EPG5: variants seen among roughly 807,000 people sequenced by gnomAD.
The protein encoded by EPG5 is ectopic P granules protein 5 homolog.
In EPG5, 159 loss-of-function variants were observed where a neutral mutation model predicts 302.7. The observed-to-expected ratio is 0.53, with a 90% CI of 0.46 to 0.60. EPG5 has a LOEUF of 0.60. EPG5 is among the 20% of genes least tolerant of loss of function. The probability of loss-of-function intolerance (pLI) is 0.00; values close to 1 mark genes in which losing one functional copy is unlikely to be tolerated. For synonymous variants in EPG5, 1,158 were observed against 1,136.8 expected, an observed-to-expected ratio of 1.02 and a Z score of -0.37; for missense variants, 2,896 against 3,092.4, an observed-to-expected ratio of 0.94 and a Z score of 1.51.
At chr18:45,834,136 G>A in the EPG5 span, among the ~76,000 whole-genome samples, 1 of 152,102 alleles carries the variant, frequency 6.6e-6, no homozygotes, top group Admixed American at 6.5e-5. Flanking sequence ...CCTTTCTCAA[G>A]GCTCTGCTGA....
intron 11 of EPG5, among the ~76,000 whole-genome samples, chr18:45,932,157 C>A (rs998220467): frequency 6.6e-6 from 1 of 151,960 alleles, no homozygotes; most frequent in Non-Finnish European, 1.5e-5. Context: ...AAAGAATTAT[C>A]ATTCAAACTT....
chr18:45,916,118 A>C lies in EPG5; in HGVS notation c.3473T>G (p.Leu1158Arg), dbSNP rs2050024706. Residue 1158 changes from leucine (L) to arginine (R), a missense_variant, in exon 19 of 44, where the codon CTC becomes CGC. Physicochemically the swap from Leu to Arg is moderately radical, Grantham distance 102. Around this residue, in one of 5 missense-constraint regions of EPG5, gnomAD observed 1,390 missense variants for 1,430.0 expected, o/e 0.97. Coordinates refer to ENST00000282041, the MANE Select transcript of EPG5 (RefSeq NM_020964.3). ...GAGGATAGGTTGTTCTCGGTACCAG[A>C]GATGCTGGCTTATGAGAGCCTGAAC... The part of the protein sequence containing the change: ...FWVQALISQH[L>R]WYREQPILFL... 2 of 1,614,042 alleles carry C rather than the reference A, an allele frequency of 1.2e-6. No individual in the cohort carries two copies. Among genetic ancestry groups the C allele is most frequent in the East Asian group, 2.2e-5 (1 of 44,894 alleles).
At chr18:45,881,750 T>C (rs576975726) in intron 31 of EPG5, among the ~76,000 whole-genome samples, 1 of 152,292 alleles carries the variant, frequency 6.6e-6, no homozygotes, top group East Asian at 1.9e-4. Context: ...AATGTGGAGA[T>C]TGTAATGCTG....
At chr18:45,880,746 G>T (rs2049079596) in intron 31 of EPG5, among the ~76,000 whole-genome samples, 1 of 152,120 alleles carries the variant, frequency 6.6e-6, no homozygotes, top group Non-Finnish European at 1.5e-5. Context: ...TCCCAACTCT[G>T]CTACTTAATA....
In EPG5 at chr18:45,880,215, C is replaced by G; in HGVS notation, c.5527G>C (p.Glu1843Gln). ...ILRLLMQSSA[E>Q]QLLSPECWKA... ...CAACACTCGGGGCTCAGAAGCTGCT[C>G]CGCGGAGCCTGCCAGCAGGGACAGG... Residue 1843 changes from glutamate to glutamine, a missense_variant, in exon 32 of 44, where the codon GAG becomes CAG. Physicochemically the swap from Glu to Gln is conservative, Grantham distance 29. Around this residue, in one of 5 missense-constraint regions of EPG5, gnomAD observed 790 missense variants for 798.0 expected, o/e 0.99. Transcript: ENST00000282041. 1 of 1,595,462 alleles carries G rather than the reference C, an allele frequency of 6.3e-7. No homozygotes were observed. The highest frequency in any genetic ancestry group is 8.6e-7 in the Non-Finnish European group (1 of 1,169,484).
rs2048414682 is a variant in EPG5 at position 45,850,890 on chromosome 18, G to A, written c.*1577C>T. 6.6e-6 allele frequency: 1 copy of A among 152,604 alleles called. No homozygotes were observed. The highest frequency in any genetic ancestry group is 2.4e-5 in the African/African-American group (1 of 41,460). The allele number at this position is 152,604 out of a possible 1,614,324, so 9.5% of individuals were successfully genotyped here. A position where few individuals can be genotyped will look rare whatever the true frequency, so the allele number is the denominator to read the frequency against. On this transcript the variant is annotated 3_prime_UTR_variant, in exon 44 of 44. Coordinates refer to ENST00000282041, the MANE Select transcript of EPG5 (RefSeq NM_020964.3). ...AATTTTCTTATACAGAGAACAAGAT[G>A]ATTAATTTTGAAAACGGAGAGAAGC...
chr18:45,916,703 A>T, intron 17 of EPG5, 121 bp from the exon 18 acceptor site: 1 of 1,000,378 alleles, frequency 1.0e-6, no homozygotes, highest in Non-Finnish European at 1.4e-6. Context: ...CCAAAGCACT[A>T]TTTAAGAAGG....
the EPG5 span, among the ~76,000 whole-genome samples, chr18:45,834,463 T>C: frequency 6.6e-6 from 1 of 152,218 alleles, no homozygotes; most frequent in Non-Finnish European, 1.5e-5. Context: ...AGCCCTAGGC[T>C]TGGGGCTCAG....
intron 16 of EPG5, among the ~76,000 whole-genome samples, chr18:45,920,398 C>T (rs113833016): frequency 4.6e-5 from 7 of 152,332 alleles, no homozygotes; most frequent in African/African-American, 1.7e-4. Context: ...CACAACATCA[C>T]TCTGCTCATC....
intron 13 of EPG5, among the ~76,000 whole-genome samples, chr18:45,927,591 TATAC>T (rs1368991144): frequency 0.045 from 3,382 of 75,598 alleles, 134 homozygotes; most frequent in African/African-American, 0.13. Flanking sequence ...AACAAAAAGT[TATAC>T]ACACACACAC....
At chr18:45,866,690 C>T (rs547471580) in intron 38 of EPG5, 108 bp downstream of exon 38, 15 of 837,064 alleles carry the variant, frequency 1.8e-5, no homozygotes, top group African/African-American at 3.4e-5. Flanking sequence ...ACACATCCTC[C>T]GACTTCCTCT....
chr18:45,914,506 G>A (rs1568149775), intron 20 of EPG5, among the ~76,000 whole-genome samples: 2 of 152,250 alleles, frequency 1.3e-5, no homozygotes, highest in South Asian at 2.1e-4. Flanking sequence ...TAAAAATAAT[G>A]CTGCTGCTGA....
chr18:45,943,144 A>G lies in EPG5; in HGVS notation c.1943+17T>C. ...GGGTGAAAGGAACAGAGAAGGGTAG[A>G]GCAACAGCAGTATTACCTGATCATA... On this transcript the variant is annotated intron_variant, in intron 9 of 43. Coordinates refer to ENST00000282041, the MANE Select transcript of EPG5 (RefSeq NM_020964.3). 6.2e-7 allele frequency: 1 copy of G among 1,612,752 alleles called. No homozygotes were observed. The highest frequency in any genetic ancestry group is 8.5e-7 in the Non-Finnish European group (1 of 1,178,914).
chr18:45,888,857 TTTG>T (rs1392956358), intron 28 of EPG5, among the ~76,000 whole-genome samples: 4 of 152,234 alleles, frequency 2.6e-5, no homozygotes, highest in Admixed American at 1.3e-4. Flanking sequence ...TAATTCATAA[TTTG>T]TTATTTAACT....
chr18:45,815,478 TC>T, the EPG5 span, among the ~76,000 whole-genome samples: 1 of 151,396 alleles, frequency 6.6e-6, no homozygotes, highest in Non-Finnish European at 1.5e-5. Context: ...AATTAGTAGC[TC>T]TTCTATACAT....
intron 2 of EPG5, chr18:45,953,277 C>T (rs1231460205): frequency 6.1e-6 from 6 of 983,766 alleles, no homozygotes; most frequent in Admixed American, 6.2e-5. Flanking sequence ...GAATATGAAG[C>T]CAATGTGATA....
intron 36 of EPG5, chr18:45,868,230 C>T (rs2048788720): frequency 4.4e-6 from 2 of 452,994 alleles, no homozygotes; most frequent in Non-Finnish European, 8.9e-6. Flanking sequence ...GGTTGGGAGC[C>T]AGAATGTGTA....
At chr18:45,961,302 C>T (rs984725863) in intron 1 of EPG5, among the ~76,000 whole-genome samples, 3 of 152,200 alleles carry the variant, frequency 2.0e-5, no homozygotes, top group Non-Finnish European at 2.9e-5. Flanking sequence ...TGTGTTGATT[C>T]CATATGTCAC....
At chr18:45,900,864 C>A in intron 26 of EPG5, 132 bp downstream of exon 26, 2 of 804,702 alleles carry the variant, frequency 2.5e-6, no homozygotes, top group Non-Finnish European at 3.7e-6. Context: ...CCAAGTGAAC[C>A]GTCTGGGCCA....
Sources: allele counts gnomAD v4.1 joint callset (sites outside exome capture counted in the v4.1 genomes callset), GRCh38; gene constraint gnomAD v4.1.1; regional missense constraint gnomAD v4.1.1; transcripts MANE v1.5; gene names NCBI Gene and HGNC (gene_info 2026-07-23, HGNC 2026-07-21).